The following DOCK10 variants were observed in gnomAD, a reference collection of about 807,000 sequenced individuals.
DOCK10 encodes the protein dedicator of cytokinesis 10.
DOCK10 carries 145 observed loss-of-function variants against 280.1 expected under a neutral mutation model. The ratio of observed to expected loss-of-function variants is 0.52; its 90% CI spans 0.45 to 0.59. DOCK10 has a LOEUF of 0.59. Among genes scored for constraint, DOCK10 ranks in the 20% least tolerant of loss-of-function variants. The probability of loss-of-function intolerance (pLI) is 0.00; values close to 1 mark genes in which losing one functional copy is unlikely to be tolerated. For missense variants in DOCK10, 2,368 were observed against 2,651.7 expected (o/e 0.89, Z 2.35); for synonymous variants, 915 against 942.2 (o/e 0.97, Z 0.53).
At chr2:224,890,819 C>T (rs765286545) in intron 4 of DOCK10, among the ~76,000 whole-genome samples, 7 of 152,066 alleles carry the variant, frequency 4.6e-5, no homozygotes, top group Non-Finnish European at 1.0e-4. Context: ...TAACATTGTT[C>T]TGTTATCTCA....
intron 15 of DOCK10, 55 bp downstream of exon 15, chr2:224,856,805 T>A (rs775227394): frequency 6.0e-5 from 90 of 1,498,216 alleles, no homozygotes; most frequent in Non-Finnish European, 8.0e-5. Flanking sequence ...TATGAAGTGA[T>A]AAAAAATCAA....
At chr2:224,980,782 A>C (rs1705704407) in intron 1 of DOCK10, among the ~76,000 whole-genome samples, 2 of 152,194 alleles carry the variant, frequency 1.3e-5, no homozygotes, top group African/African-American at 4.8e-5. Context: ...CAGCTGTGTA[A>C]TGTTAAGATA....
chr2:224,947,590 T>A (rs1487713769), intron 1 of DOCK10, among the ~76,000 whole-genome samples: 1 of 152,344 alleles, frequency 6.6e-6, no homozygotes, highest in South Asian at 2.1e-4. Context: ...CATGGACTCC[T>A]TGAATCTGTA....
At chr2:224,988,936 C>T (rs549357845) in intron 1 of DOCK10, among the ~76,000 whole-genome samples, 12 of 152,258 alleles carry the variant, frequency 7.9e-5, no homozygotes, top group African/African-American at 2.2e-4. Flanking sequence ...TTGCTTCCCC[C>T]TACATGACAT....
chr2:224,975,631 T>C (rs1397871229), intron 1 of DOCK10, among the ~76,000 whole-genome samples: 2 of 152,254 alleles, frequency 1.3e-5, no homozygotes, highest in African/African-American at 4.8e-5. Context: ...TTATTTCCTT[T>C]GGAGTAGTTT....
At chr2:224,862,924 A>G (rs1399732122) in intron 13 of DOCK10, among the ~76,000 whole-genome samples, 178 bp from the exon 14 acceptor site, 1 of 152,222 alleles carries the variant, frequency 6.6e-6, no homozygotes, top group Non-Finnish European at 1.5e-5. Flanking sequence ...AAACTATTGT[A>G]TAATGTTTTT....
intron 2 of DOCK10, among the ~76,000 whole-genome samples, chr2:224,927,770 C>G (rs79699029): frequency 1.3e-5 from 2 of 152,038 alleles, no homozygotes; most frequent in Non-Finnish European, 2.9e-5. Context: ...TTCAGCAGCT[C>G]GTGGGTGCTG....
At chr2:225,041,852 C>G (rs62188042) in intron 1 of DOCK10, among the ~76,000 whole-genome samples, 57,494 of 151,984 alleles carry the variant, frequency 0.38, 12,715 homozygotes, top group African/African-American at 0.62. Flanking sequence ...GCGCAGACCT[C>G]CGGACTCAGG....
At chr2:224,825,992 T>C (rs1300466265) in intron 27 of DOCK10, among the ~76,000 whole-genome samples, 2 of 152,210 alleles carry the variant, frequency 1.3e-5, no homozygotes, top group African/African-American at 4.8e-5. Context: ...GTTTAGCTGG[T>C]TCAATGATCC....
At chr2:224,978,035 T>C (rs548041653) in intron 1 of DOCK10, among the ~76,000 whole-genome samples, 1 of 152,338 alleles carries the variant, frequency 6.6e-6, no homozygotes, top group South Asian at 2.1e-4. Flanking sequence ...CTTTATCAAC[T>C]GAATTTTGCA....
At chr2:224,960,356 T>G (rs957796084) in intron 1 of DOCK10, among the ~76,000 whole-genome samples, 1 of 152,202 alleles carries the variant, frequency 6.6e-6, no homozygotes, top group African/African-American at 2.4e-5. Context: ...TGCAACCATA[T>G]GTTTATTTAC....
At chr2:224,856,837 T>A in intron 15 of DOCK10, 23 bp downstream of exon 15, 1 of 1,584,558 alleles carries the variant, frequency 6.3e-7, no homozygotes, top group Non-Finnish European at 8.6e-7. Flanking sequence ...TATGTTAATT[T>A]CGAGAGTATA....
intron 2 of DOCK10, among the ~76,000 whole-genome samples, chr2:224,927,848 T>C (rs894600759): frequency 6.7e-6 from 1 of 149,914 alleles, no homozygotes; most frequent in Non-Finnish European, 1.5e-5. Context: ...CTTGGTAACG[T>C]GGAAACATAC....
intron 1 of DOCK10, among the ~76,000 whole-genome samples, chr2:225,020,219 T>C (rs945972226): frequency 6.6e-6 from 1 of 152,078 alleles, no homozygotes; most frequent in African/African-American, 2.4e-5. Flanking sequence ...GTTATATAGA[T>C]AACATTTTCT....
intron 11 of DOCK10, among the ~76,000 whole-genome samples, chr2:224,867,865 T>C (rs1459707727): frequency 1.3e-5 from 2 of 152,106 alleles, no homozygotes; most frequent in Non-Finnish European, 2.9e-5. Flanking sequence ...AATTCCCAGG[T>C]TTGAGGATAA....
chr2:224,806,090 T>A (rs763563729), intron 34 of DOCK10, 36 bp downstream of exon 34: 2 of 1,202,536 alleles, frequency 1.7e-6, no homozygotes, highest in South Asian at 1.3e-5. Flanking sequence ...GGTGGATGAG[T>A]GTTAAAAATA....
intron 1 of DOCK10, among the ~76,000 whole-genome samples, chr2:225,008,334 T>C (rs1290430526): frequency 1.3e-5 from 2 of 152,200 alleles, no homozygotes; most frequent in African/African-American, 4.8e-5. Context: ...GAAGACTCTT[T>C]GTTATGCATG....
rs1690229207 is a variant in DOCK10 at position 225,035,573 on chromosome 2, T to TATATATATATATATATATATA, written c.123+6678_123+6679insTATATATATATATATATATAT. On this transcript the variant is annotated intron_variant, in intron 1 of 55. Coordinates refer to ENST00000258390, the MANE Select transcript of DOCK10 (RefSeq NM_014689.3). ...ATATATATATATATATATATATATATATATATATATATATAACACTGAATC... is the reference window on the plus strand; with the variant it reads ...ATATATATATATATATATATATATATATATATATATATATATATATAATATATATATATATAACACTGAATC... 9.1e-5 allele frequency among the ~76,000 whole-genome samples: 4 copies of TATATATATATATATATATATA among 44,134 alleles called. 1 individual carries two copies. Among genetic ancestry groups the TATATATATATATATATATATA allele is most frequent in the Non-Finnish European group, 2.4e-4 (4 of 16,570 alleles). 29.0% of individuals were successfully genotyped at this position (44,134 alleles called of 152,430 possible).
intron 33 of DOCK10, among the ~76,000 whole-genome samples, chr2:224,807,022 A>G (rs1693436303): frequency 6.6e-6 from 1 of 152,148 alleles, no homozygotes. Flanking sequence ...ATCCCATTTT[A>G]TAATGAAGGA....
Sources: gnomAD v4.1 joint callset for allele counts (sites outside exome capture counted in the v4.1 genomes callset) on GRCh38, gnomAD v4.1.1 for gene constraint, MANE v1.5 for transcripts, NCBI Gene and HGNC (gene_info 2026-07-23, HGNC 2026-07-21) for gene names.